Variants in CLSTN3 observed in about 807,000 individuals in gnomAD.
The protein encoded by CLSTN3 is calsyntenin-3.
A neutral mutation model predicts 95.9 loss-of-function variants in CLSTN3; 36 were observed. That is an observed-to-expected ratio of 0.38 (90% CI 0.29 to 0.50). The LOEUF is 0.50. Among genes scored for constraint, CLSTN3 ranks in the 20% least tolerant of loss-of-function variants. CLSTN3 has a pLI of 0.95. For missense variants in CLSTN3, 1,084 were observed against 1,268.8 expected, an observed-to-expected ratio of 0.85 and a Z score of 2.21; for synonymous variants, 481 against 504.0, an observed-to-expected ratio of 0.95 and a Z score of 0.61.
At chr12:7,155,867 C>T in intron 16 of CLSTN3, 1 of 206,834 alleles carries the variant, frequency 4.8e-6, no homozygotes, top group South Asian at 7.2e-5. Context: ...CCAGGCAGGG[C>T]ATTCTCCACA....
rs11608952 is a variant in CLSTN3 at position 7,157,017 on chromosome 12, C to G, written c.2528-472C>G. 3.6e-5 allele frequency: 13 copies of G among 358,916 alleles called. No individual in the cohort carries two copies. Among genetic ancestry groups the G allele is most frequent in the African/African-American group, 1.9e-4 (9 of 46,914 alleles). The allele number at this position is 358,916 out of a possible 1,614,324, so 22.2% of individuals were successfully genotyped here. Reference sequence around the variant, plus strand: ...CCCTCTTCCTGCAGCCAGCCCAGGCCTGGAGCCTGCATCTCCTCCTGCTCA... The same window carrying G: ...CCCTCTTCCTGCAGCCAGCCCAGGCGTGGAGCCTGCATCTCCTCCTGCTCA... On this transcript the variant is annotated intron_variant, in intron 16 of 17. Transcript: ENST00000266546. The surrounding 1 kb of genome is among the most constrained non-coding windows in gnomAD (Gnocchi z 5.9).
chr12:7,138,904 A>G (rs185362589), intron 8 of CLSTN3: 3 of 150,856 alleles, frequency 2.0e-5, no homozygotes, highest in Admixed American at 2.0e-4. Context: ...TAAACTAGAT[A>G]ATTGAGGGCT....
In CLSTN3 at chr12:7,150,486, G is replaced by T; in HGVS notation, c.2246-58G>T. 3.8e-6 allele frequency: 6 copies of T among 1,571,656 alleles called. No homozygotes were observed. Among genetic ancestry groups the T allele is most frequent in the South Asian group, 2.3e-5 (2 of 87,468 alleles). The stretch of plus-strand genomic sequence containing the variant: ...AGCTGGTGGGAGTCCAGGAGAGAGG[G>T]TCCTGCCCAGGTCCTGCCTCCACTG... On this transcript the variant is annotated intron_variant, in intron 14 of 17. Coordinates refer to ENST00000266546, the MANE Select transcript of CLSTN3 (RefSeq NM_014718.4). The surrounding 1 kb of genome is among the most constrained non-coding windows in gnomAD (Gnocchi z 4.0).
At chr12:7,134,432 G>T (rs2135795456) in intron 3 of CLSTN3, among the ~76,000 whole-genome samples, 1 of 152,334 alleles carries the variant, frequency 6.6e-6, no homozygotes, top group Admixed American at 6.5e-5. Context: ...CCACTAAGAG[G>T]CACTAGAGAT....
chr12:7,154,567 A>G (rs978410580), intron 16 of CLSTN3, among the ~76,000 whole-genome samples: 3 of 152,130 alleles, frequency 2.0e-5, no homozygotes, highest in African/African-American at 7.2e-5. Flanking sequence ...TGATGAGGGT[A>G]TTATGTATCT....
intron 16 of CLSTN3, 123 bp downstream of exon 16, chr12:7,151,186 C>T: frequency 8.8e-7 from 1 of 1,133,448 alleles, no homozygotes. Flanking sequence ...GTTCTGTTCC[C>T]TGTGGTACCT....
At chr12:7,136,721 G>T in intron 6 of CLSTN3, 108 bp from the exon 7 acceptor site, 1 of 1,272,372 alleles carries the variant, frequency 7.9e-7, no homozygotes, top group Non-Finnish European at 1.1e-6. Flanking sequence ...GTGGCAAGAC[G>T]TGCTGTAGGA....
chr12:7,158,088 C>T lies in CLSTN3; in HGVS notation c.*7C>T. ...CCCCCCACACCGCTACTAAGGCCTA[C>T]ACCTCTCCCCACGCAGAGGGGGAAT... is the stretch of plus-strand genomic sequence containing the variant. On this transcript the variant is annotated 3_prime_UTR_variant, in exon 18 of 18. Transcript: ENST00000266546. 1 of 1,499,050 alleles carries T rather than the reference C, an allele frequency of 6.7e-7. No homozygotes were observed. Among genetic ancestry groups the T allele is most frequent in the Non-Finnish European group, 9.0e-7 (1 of 1,116,092 alleles). 92.9% of individuals were successfully genotyped at this position (1,499,050 alleles called of 1,614,324 possible).
chr12:7,136,250 G>C lies in CLSTN3; in HGVS notation c.787G>C (p.Ala263Pro), dbSNP rs778295167. ...ATATGCACCAGGTGCTGGGAGCTTG[G>C]CTTTGTTCCCTGGTATCCGCCTGGA... Reference protein sequence around the residue: ...IEYAPGAGSLALFPGIRLETC... With the variant: ...IEYAPGAGSLPLFPGIRLETC... Residue 263 changes from alanine to proline, a missense_variant, in exon 6 of 18, where the codon GCT becomes CCT. Physicochemically the swap from Ala to Pro is conservative, Grantham distance 27. Coordinates refer to ENST00000266546, the MANE Select transcript of CLSTN3 (RefSeq NM_014718.4). 5 of 1,614,210 alleles carry C rather than the reference G, an allele frequency of 3.1e-6. No individual in the cohort carries two copies. Among genetic ancestry groups the C allele is most frequent in the Non-Finnish European group, 4.2e-6 (5 of 1,180,030 alleles).
chr12:7,153,355 G>A (rs947503716), intron 16 of CLSTN3, among the ~76,000 whole-genome samples: 2 of 152,126 alleles, frequency 1.3e-5, no homozygotes, highest in Admixed American at 1.3e-4. Flanking sequence ...TTGTTGCTCA[G>A]GCTGGTCTTG....
rs1939710155 is a variant in CLSTN3 at position 7,150,778 on chromosome 12, T to G, written c.2391+89T>G. On this transcript the variant is annotated intron_variant, in intron 15 of 17. Coordinates refer to ENST00000266546, the MANE Select transcript of CLSTN3 (RefSeq NM_014718.4). The surrounding 1 kb of genome is among the most constrained non-coding windows in gnomAD (Gnocchi z 4.0). ...GACTCAAAATGTTAGTTGGTGGGCA[T>G]GGACATGGCAGCGTGGAGGGCTGCT... is the stretch of plus-strand genomic sequence containing the variant. The G allele has an allele frequency of 7.0e-6, 11 of 1,574,270 alleles. No homozygotes were observed. Among genetic ancestry groups the G allele is most frequent in the Non-Finnish European group, 9.5e-6 (11 of 1,152,862 alleles).
intron 12 of CLSTN3, among the ~76,000 whole-genome samples, chr12:7,144,926 T>C (rs182956967): frequency 1.3e-5 from 2 of 152,298 alleles, no homozygotes; most frequent in East Asian, 1.9e-4. Context: ...AGCTGATTGC[T>C]GAGTATGCAC....
Position 7,133,871 on chromosome 12 carries a change from C to A in CLSTN3, c.383+103C>A. ...TGCGGTCATCGAATATCCACCCCCA[C>A]CCGCTGCTGTTCCTAGGACTTAGGG... On this transcript the variant is annotated intron_variant, in intron 3 of 17. Coordinates refer to ENST00000266546, the MANE Select transcript of CLSTN3 (RefSeq NM_014718.4). The surrounding 1 kb of genome is among the most constrained non-coding windows in gnomAD (Gnocchi z 4.7). The A allele has an allele frequency of 1.1e-6, 1 of 946,920 alleles. No individual in the cohort carries two copies. Among genetic ancestry groups the A allele is most frequent in the Non-Finnish European group, 1.6e-6 (1 of 639,374 alleles). The allele number at this position is 946,920 out of a possible 1,614,324, so 58.7% of individuals were successfully genotyped here.
At chr12:7,135,304 CT>C (rs1470797880) in intron 3 of CLSTN3, 22 bp from the exon 4 acceptor site, 1 of 1,611,062 alleles carries the variant, frequency 6.2e-7, no homozygotes. Flanking sequence ...GTCTTCATCC[CT>C]CCTTCTCTCT....
chr12:7,135,647 C>A, intron 4 of CLSTN3, 112 bp downstream of exon 4: 1 of 1,359,928 alleles, frequency 7.4e-7, no homozygotes. Flanking sequence ...CTCACCTCAC[C>A]CTTCTTCCCA....
chr12:7,149,646 A>C lies in CLSTN3; in HGVS notation c.2198A>C (p.Gln733Pro). 6.2e-7 allele frequency: 1 copy of C among 1,614,192 alleles called. No individual in the cohort carries two copies. Among genetic ancestry groups the C allele is most frequent in the Non-Finnish European group, 8.5e-7 (1 of 1,180,028 alleles). The stretch of plus-strand genomic sequence containing the variant: ...CTCCTGGACACAACCTCTCTGCAGC[A>C]GCGGGGGCTGGAGCTCACCAACACA... Reference protein sequence around the residue: ...SLLLDTTSLQQRGLELTNTSA... With the variant: ...SLLLDTTSLQPRGLELTNTSA... The change falls in exon 14 of 18, where the codon CAG (glutamine) becomes CCG (proline). Residue 733 changes from glutamine to proline, a missense_variant. Transcript: ENST00000266546. The surrounding 1 kb of genome is among the most constrained non-coding windows in gnomAD (Gnocchi z 4.5).
chr12:7,133,245 G>A lies in CLSTN3; in HGVS notation c.187+99G>A. 2.0e-6 allele frequency: 3 copies of A among 1,467,202 alleles called. No individual in the cohort carries two copies. The highest frequency in any genetic ancestry group is 1.3e-5 in the South Asian group (1 of 78,926). The allele number at this position is 1,467,202 out of a possible 1,614,324, so 90.9% of individuals were successfully genotyped here. A position where few individuals can be genotyped will look rare whatever the true frequency, so the allele number is the denominator to read the frequency against. On this transcript the variant is annotated intron_variant, in intron 2 of 17. Transcript: ENST00000266546. This position sits in a 1 kb window ranked among gnomAD's most constrained non-coding sequence, Gnocchi z 4.7. Reference sequence around the variant, plus strand: ...GGAGGGAAGGTCCTGGGAGTGATGAGAAAGTAAGGGAAGATAAAAGTGGGC... The same window carrying A: ...GGAGGGAAGGTCCTGGGAGTGATGAAAAAGTAAGGGAAGATAAAAGTGGGC...
chr12:7,136,042 C>G, intron 5 of CLSTN3, 89 bp downstream of exon 5: 3 of 1,526,894 alleles, frequency 2.0e-6, no homozygotes, highest in Non-Finnish European at 2.6e-6. Flanking sequence ...GGGGGCCAGG[C>G]TAGGGCTTGG....
chr12:7,151,135 C>T, intron 16 of CLSTN3, 72 bp downstream of exon 16: 2 of 1,442,110 alleles, frequency 1.4e-6, no homozygotes, highest in Non-Finnish European at 1.8e-6. Flanking sequence ...GGTATCCTCC[C>T]CCTCCACCTC....
Sources: allele counts gnomAD v4.1 joint callset (sites outside exome capture counted in the v4.1 genomes callset), GRCh38; gene constraint gnomAD v4.1.1; non-coding constraint Gnocchi (gnomAD v3.1); transcripts MANE v1.5; gene names NCBI Gene and HGNC (gene_info 2026-07-23, HGNC 2026-07-21).